TMEM87A: variants seen among roughly 807,000 people sequenced by gnomAD.
TMEM87A encodes Golgi-pH regulating cation channel.
In TMEM87A, 50 loss-of-function variants were observed where a neutral mutation model predicts 90.0. That is an observed-to-expected ratio of 0.56 (90% CI 0.44 to 0.70). TMEM87A has a LOEUF of 0.70. Among genes scored for constraint, TMEM87A ranks in the 30% least tolerant of loss-of-function variants. TMEM87A has a pLI of 0.00. For synonymous variants in TMEM87A, 226 were observed against 226.7 expected (o/e 1.00, Z 0.03); for missense variants, 577 against 660.5 (o/e 0.87, Z 1.39).
At chr15:42,259,684 G>C (rs184318254) in intron 6 of TMEM87A, among the ~76,000 whole-genome samples, 14 of 152,310 alleles carry the variant, frequency 9.2e-5, no homozygotes, top group Admixed American at 4.6e-4. Flanking sequence ...AATATTCCTG[G>C]AAATCTAGAA....
intron 13 of TMEM87A, 65 bp from the exon 14 acceptor site, chr15:42,227,834 C>T: frequency 6.9e-7 from 1 of 1,457,906 alleles, no homozygotes. Context: ...TTACATTCCC[C>T]CATTTCCGGT....
In TMEM87A at chr15:42,230,553, A is replaced by C. The variant is rs148892833; in HGVS notation, c.1131+639T>G. ...GCCCCTAATATATAAATTTAATTTT[A>C]AAGAGCAGGAGAAAAAGATTGCTCA... On this transcript the variant is annotated intron_variant, in intron 12 of 19. Coordinates refer to ENST00000389834, the MANE Select transcript of TMEM87A (RefSeq NM_015497.5). Among the ~76,000 whole-genome samples the C allele has an allele frequency of 1.2e-3, 177 of 152,346 alleles. 1 individual carries two copies. Among genetic ancestry groups the C allele is most frequent in the African/African-American group, 4.2e-3 (176 of 41,580 alleles).
chr15:42,252,194 T>G (rs1268784017), intron 6 of TMEM87A, among the ~76,000 whole-genome samples: 1 of 152,214 alleles, frequency 6.6e-6, no homozygotes, highest in Non-Finnish European at 1.5e-5. Context: ...CCCGACCCCT[T>G]GCGCTTCCTG....
At chr15:42,242,746 T>C (rs2050895486) in intron 7 of TMEM87A, among the ~76,000 whole-genome samples, 2 of 152,170 alleles carry the variant, frequency 1.3e-5, no homozygotes, top group South Asian at 2.1e-4. Flanking sequence ...ATTAAACTAT[T>C]TGATAAAGCT....
chr15:42,213,435 G>C (rs1396445153), intron 19 of TMEM87A, among the ~76,000 whole-genome samples: 1 of 152,228 alleles, frequency 6.6e-6, no homozygotes, highest in African/African-American at 2.4e-5. Context: ...GAGATGGACT[G>C]TGAAAATGTT....
intron 6 of TMEM87A, among the ~76,000 whole-genome samples, chr15:42,250,838 A>G (rs1195708339): frequency 6.6e-6 from 1 of 152,206 alleles, no homozygotes; most frequent in Non-Finnish European, 1.5e-5. Context: ...AGTGTTGTCC[A>G]GCTTGGTTCC....
chr15:42,259,575 G>T (rs1052284099), intron 6 of TMEM87A, among the ~76,000 whole-genome samples: 1 of 152,154 alleles, frequency 6.6e-6, no homozygotes, highest in Non-Finnish European at 1.5e-5. Context: ...ACAGCTGCCT[G>T]AGGTGACCTT....
intron 6 of TMEM87A, among the ~76,000 whole-genome samples, chr15:42,248,501 G>A (rs1263521083): frequency 1.3e-5 from 2 of 152,198 alleles, no homozygotes; most frequent in Non-Finnish European, 2.9e-5. Flanking sequence ...AAGGGCTGTT[G>A]AATTCTGTCA....
chr15:42,225,117 T>A (rs1395079405), intron 15 of TMEM87A, among the ~76,000 whole-genome samples: 1 of 152,206 alleles, frequency 6.6e-6, no homozygotes, highest in Non-Finnish European at 1.5e-5. Flanking sequence ...GATAAACACA[T>A]ATAAAGTGCA....
At chr15:42,257,279 T>G (rs2051201443) in intron 6 of TMEM87A, among the ~76,000 whole-genome samples, 1 of 152,052 alleles carries the variant, frequency 6.6e-6, no homozygotes, top group Non-Finnish European at 1.5e-5. Context: ...CTTTCAGTAA[T>G]GAGTTATCCC....
chr15:42,229,748 T>C (rs903003960), intron 12 of TMEM87A, among the ~76,000 whole-genome samples: 1 of 152,188 alleles, frequency 6.6e-6, no homozygotes, highest in Non-Finnish European at 1.5e-5. Flanking sequence ...TTTCAGAACA[T>C]TATTCTCAAG....
chr15:42,247,555 ATTTC>A (rs1287092659), intron 6 of TMEM87A, among the ~76,000 whole-genome samples: 2 of 152,138 alleles, frequency 1.3e-5, no homozygotes, highest in African/African-American at 4.8e-5. Context: ...TCCTTTTCCC[ATTTC>A]TTGTTTTTGT....
At chr15:42,247,700 T>G (rs564435721) in intron 6 of TMEM87A, among the ~76,000 whole-genome samples, 1 of 152,186 alleles carries the variant, frequency 6.6e-6, no homozygotes, top group Non-Finnish European at 1.5e-5. Flanking sequence ...CCTTGTAGTA[T>G]AGTTTGAAGT....
At chr15:42,241,056 T>G in intron 7 of TMEM87A, among the ~76,000 whole-genome samples, 1 of 152,238 alleles carries the variant, frequency 6.6e-6, no homozygotes, top group South Asian at 2.1e-4. Flanking sequence ...TGTCTACAGC[T>G]GCCTCTGCAC....
At chr15:42,264,011 C>T (rs749649654) in intron 4 of TMEM87A, 79 bp downstream of exon 4, 76 of 1,051,404 alleles carry the variant, frequency 7.2e-5, no homozygotes, top group Middle Eastern at 3.0e-4. Flanking sequence ...CTTGAGAAGT[C>T]GGAAGTGGAT....
intron 2 of TMEM87A, among the ~76,000 whole-genome samples, chr15:42,270,586 A>T (rs1383989980): frequency 1.3e-5 from 2 of 152,158 alleles, no homozygotes; most frequent in African/African-American, 2.4e-5. Context: ...ACAGAGTGAG[A>T]CACCATCTTA....
Position 42,217,953 on chromosome 15 carries a change from A to T in TMEM87A, c.1596-120T>A, listed in dbSNP as rs903321354. On this transcript the variant is annotated intron_variant, in intron 18 of 19. Coordinates refer to ENST00000389834, the MANE Select transcript of TMEM87A (RefSeq NM_015497.5). ...AATTATCTAAGATTTGCATTTTATT[A>T]ATGGCCCTTTTAGGAAAAATAAACA... 5.2e-6 allele frequency: 5 copies of T among 954,002 alleles called. No individual in the cohort carries two copies. The African/African-American group carries it at 6.7e-5, about 13-fold the overall frequency. The allele number at this position is 954,002 out of a possible 1,614,324, so 59.1% of individuals were successfully genotyped here. A position where few individuals can be genotyped will look rare whatever the true frequency, so the allele number is the denominator to read the frequency against.
At chr15:42,224,485 A>C (rs2050553146) in intron 15 of TMEM87A, 1 of 152,202 alleles carries the variant, frequency 6.6e-6, no homozygotes, top group Non-Finnish European at 1.5e-5. Flanking sequence ...AGAGAGACCG[A>C]ACACCAGGAA....
At position 42,243,512 on chromosome 15, in the gene TMEM87A, A is replaced by ATTT. The variant is rs375255055; in HGVS notation, c.622+535_622+537dup. ...CATTAAAAACTACCAATGTTAATTA[A>ATTT]TTTTTTTTTTTTTTTTTTTTTGAGA... On this transcript the variant is annotated intron_variant, in intron 7 of 19. Coordinates refer to ENST00000389834, the MANE Select transcript of TMEM87A (RefSeq NM_015497.5). Among the ~76,000 whole-genome samples, 780 of 129,542 alleles carry ATTT rather than the reference A, an allele frequency of 6.0e-3. 13 individuals are homozygous for ATTT. The highest frequency in any genetic ancestry group is 0.023 in the African/African-American group (756 of 32,936). The allele number at this position is 129,542 out of a possible 152,430, so 85.0% of individuals were successfully genotyped here. A position where few individuals can be genotyped will look rare whatever the true frequency, so the allele number is the denominator to read the frequency against.
Sources: gnomAD v4.1 joint callset for allele counts (sites outside exome capture counted in the v4.1 genomes callset) on GRCh38, gnomAD v4.1.1 for gene constraint, MANE v1.5 for transcripts, NCBI Gene and HGNC (gene_info 2026-07-23, HGNC 2026-07-21) for gene names.